The following INPP5A variants were observed in gnomAD, a reference collection of about 807,000 sequenced individuals.
INPP5A encodes inositol polyphosphate-5-phosphatase A.
Under a neutral mutation model 65.2 loss-of-function variants are expected in INPP5A, and 14 were observed. That is an observed-to-expected ratio of 0.21 (90% CI 0.14 to 0.34). INPP5A has a LOEUF of 0.34. INPP5A is among the 10% of genes least tolerant of loss of function. The pLI is 1.00. For missense variants in INPP5A, 431 were observed against 545.6 expected, an observed-to-expected ratio of 0.79 and a Z score of 2.09; for synonymous variants, 207 against 208.3, an observed-to-expected ratio of 0.99 and a Z score of 0.05.
rs114564555 is a variant in INPP5A, at chr10:132,589,288, G to A, written c.76-18627G>A. ...ACCCACACCCTGCAGGGCCACGTGC[G>A]CATGCGGGCTCGAGGAAGCTGTGGG... On this transcript the variant is annotated intron_variant, in intron 1 of 15. Coordinates refer to ENST00000368594, the MANE Select transcript of INPP5A (RefSeq NM_005539.5). 2.5e-3 allele frequency among the ~76,000 whole-genome samples: 375 copies of A among 152,380 alleles called. 1 individual carries two copies. The highest frequency in any genetic ancestry group is 8.6e-3 in the African/African-American group (359 of 41,592).
Position 132,697,894 on chromosome 10 carries a change from A to G in INPP5A, c.449A>G (p.Lys150Arg). Residue 150 changes from lysine (K) to arginine (R), a missense_variant, in exon 6 of 16, where the codon AAG becomes AGG. Transcript: ENST00000368594. The surrounding 1 kb of genome is among the most constrained non-coding windows in gnomAD (Gnocchi z 5.6). ...LESTPMLEKE[K>R]FPQDYFPECK... is the part of the protein sequence containing the mutation. ...AGCACGCCCATGCTGGAGAAGGAGA[A>G]GTTTCCGCAGGACTACTTCCCCGAG... 1 of 1,613,130 alleles carries G rather than the reference A, an allele frequency of 6.2e-7. No homozygotes were observed. Among genetic ancestry groups the G allele is most frequent in the Admixed American group, 1.7e-5 (1 of 60,000 alleles).
At chr10:132,568,757 C>CA (rs1554928680) in intron 1 of INPP5A, among the ~76,000 whole-genome samples, 1 of 151,742 alleles carries the variant, frequency 6.6e-6, no homozygotes, top group African/African-American at 2.4e-5. Context: ...AACTCTGTCT[C>CA]AAACAAAACA....
intron 1 of INPP5A, among the ~76,000 whole-genome samples, chr10:132,585,321 T>C (rs561734225): frequency 6.6e-6 from 1 of 152,362 alleles, no homozygotes; most frequent in Non-Finnish European, 1.5e-5. Context: ...CCTTATGTCA[T>C]TGCGGTCAGA....
intron 11 of INPP5A, among the ~76,000 whole-genome samples, chr10:132,754,680 G>A (rs1336313161): frequency 6.6e-6 from 1 of 152,250 alleles, no homozygotes; most frequent in East Asian, 1.9e-4. Flanking sequence ...GGTCCACTGA[G>A]CAGTCCTGAA....
intron 8 of INPP5A, among the ~76,000 whole-genome samples, chr10:132,719,401 C>T (rs1845815561): frequency 1.3e-5 from 2 of 150,108 alleles, no homozygotes; most frequent in Non-Finnish European, 3.0e-5. Context: ...TACCTGGGTT[C>T]TGTCTGGGCA....
In INPP5A at chr10:132,637,022, A is replaced by G. The variant is rs925057085; in HGVS notation, c.118-8846A>G. Among the ~76,000 whole-genome samples the G allele has an allele frequency of 1.3e-5, 2 of 152,082 alleles. No homozygotes were observed. Among genetic ancestry groups the G allele is most frequent in the Non-Finnish European group, 2.9e-5 (2 of 68,018 alleles). ...AACTTCCGCCTCCCGGGTTCAAGCG[A>G]TTCTCCTGCCTCAGCCTCCCAAGTA... On this transcript the variant is annotated intron_variant, in intron 2 of 15. Coordinates refer to ENST00000368594, the MANE Select transcript of INPP5A (RefSeq NM_005539.5). This position sits in a 1 kb window ranked among gnomAD's most constrained non-coding sequence, Gnocchi z 4.1.
At chr10:132,594,270 G>A (rs2071654893) in intron 1 of INPP5A, among the ~76,000 whole-genome samples, 1 of 152,146 alleles carries the variant, frequency 6.6e-6, no homozygotes, top group African/African-American at 2.4e-5. Flanking sequence ...AAATTTAAGT[G>A]AACTAAAATT....
At chr10:132,640,635 G>T (rs1303727031) in intron 2 of INPP5A, among the ~76,000 whole-genome samples, 1 of 152,260 alleles carries the variant, frequency 6.6e-6, no homozygotes, top group Non-Finnish European at 1.5e-5. Flanking sequence ...CACATGTTTT[G>T]TTTGTAGTGT....
At chr10:132,607,066 C>T (rs907620693) in intron 1 of INPP5A, among the ~76,000 whole-genome samples, 15 of 152,330 alleles carry the variant, frequency 9.8e-5, no homozygotes, top group African/African-American at 2.6e-4. Flanking sequence ...CGCTCAGCCT[C>T]GTCCGCGGTG....
rs1564974880 is a variant in INPP5A, at chr10:132,708,380, T to C, written c.527+15T>C. ...ATTGCAGACTGGTACGTGGTGTCTGTGCTTTGTCAATTTCCATAACGTTTC... is the reference window on the plus strand; with the variant it reads ...ATTGCAGACTGGTACGTGGTGTCTGCGCTTTGTCAATTTCCATAACGTTTC... On this transcript the variant is annotated intron_variant, in intron 7 of 15. Coordinates refer to ENST00000368594, the MANE Select transcript of INPP5A (RefSeq NM_005539.5). The C allele has an allele frequency of 6.2e-6, 10 of 1,612,552 alleles. No individual in the cohort carries two copies. The highest frequency in any genetic ancestry group is 8.5e-6 in the Non-Finnish European group (10 of 1,178,530).
chr10:132,712,778 A>G (rs1463291232), intron 8 of INPP5A, among the ~76,000 whole-genome samples: 1 of 147,150 alleles, frequency 6.8e-6, no homozygotes, highest in Non-Finnish European at 1.5e-5. Flanking sequence ...GGGTGTGTGC[A>G]TGTGTGCAGG....
intron 3 of INPP5A, among the ~76,000 whole-genome samples, chr10:132,647,896 A>G (rs1590893006): frequency 6.6e-6 from 1 of 152,366 alleles, no homozygotes; most frequent in East Asian, 1.9e-4. Flanking sequence ...ATAGGAGAAA[A>G]TATAGTTTTG....
At chr10:132,597,929 C>T (rs753776545) in intron 1 of INPP5A, among the ~76,000 whole-genome samples, 7 of 151,970 alleles carry the variant, frequency 4.6e-5, no homozygotes, top group African/African-American at 7.3e-5. Flanking sequence ...GTGCGTCCTG[C>T]GGGGCTGTGC....
intron 1 of INPP5A, among the ~76,000 whole-genome samples, chr10:132,567,096 GGGA>G (rs1459579150): frequency 6.6e-6 from 1 of 152,178 alleles, no homozygotes; most frequent in African/African-American, 2.4e-5. Flanking sequence ...GTCTGGAGGA[GGGA>G]GGCTCCCGGG....
rs1268612650 is a variant in INPP5A at position 132,644,831 on chromosome 10, C to T, written c.118-1037C>T. ...GCTCAAGTGAAATGGGGCTCCCCGA[C>T]TGCCTCACATGTGTCCCACCCAGGG... On this transcript the variant is annotated intron_variant, in intron 2 of 15. Coordinates refer to ENST00000368594, the MANE Select transcript of INPP5A (RefSeq NM_005539.5). The surrounding 1 kb of genome is among the most constrained non-coding windows in gnomAD (Gnocchi z 6.5). 1.3e-5 allele frequency among the ~76,000 whole-genome samples: 2 copies of T among 152,216 alleles called. No individual in the cohort carries two copies. The highest frequency in any genetic ancestry group is 2.9e-5 in the Non-Finnish European group (2 of 68,042).
At chr10:132,581,364 C>T (rs2071481946) in intron 1 of INPP5A, among the ~76,000 whole-genome samples, 1 of 152,210 alleles carries the variant, frequency 6.6e-6, no homozygotes, top group South Asian at 2.1e-4. Flanking sequence ...TTCTTGTACA[C>T]ATTTTTTGTG....
intron 11 of INPP5A, among the ~76,000 whole-genome samples, chr10:132,752,549 CGAG>C (rs1421825511): frequency 1.1e-5 from 1 of 89,830 alleles, no homozygotes; most frequent in Non-Finnish European, 2.2e-5. Context: ...AGGGGCGTGG[CGAG>C]GAGGTGTGGC....
intron 4 of INPP5A, among the ~76,000 whole-genome samples, chr10:132,688,680 TGTGCATGA>T (rs895910071): frequency 3.3e-4 from 49 of 150,704 alleles, no homozygotes; most frequent in Non-Finnish European, 4.6e-4. Flanking sequence ...AGTGTGTGCG[TGTGCATGA>T]GTGCATGTGT....
At chr10:132,688,807 A>C (rs1438258671) in intron 4 of INPP5A, among the ~76,000 whole-genome samples, 1 of 112,638 alleles carries the variant, frequency 8.9e-6, no homozygotes, top group East Asian at 2.6e-4. Flanking sequence ...TGTGTGCACC[A>C]GTGTGAGTGC....
Sources: gnomAD v4.1 joint callset for allele counts (sites outside exome capture counted in the v4.1 genomes callset) on GRCh38, gnomAD v4.1.1 for gene constraint, Gnocchi (gnomAD v3.1) non-coding constraint, MANE v1.5 for transcripts, NCBI Gene and HGNC (gene_info 2026-07-23, HGNC 2026-07-21) for gene names.